Variants in SLIT2 observed in about 807,000 individuals in gnomAD.
SLIT2 encodes slit guidance ligand 2.
In SLIT2, 41 loss-of-function variants were observed where a neutral mutation model predicts 185.7. The observed-to-expected ratio is 0.22, with a 90% confidence interval of 0.17 to 0.29. SLIT2 has a LOEUF of 0.29. Among genes scored for constraint, SLIT2 ranks in the 10% least tolerant of loss-of-function variants. The pLI, the probability that SLIT2 is intolerant of heterozygous loss-of-function variation, is 1.00. For missense variants in SLIT2, 1,571 were observed against 1,909.0 expected, an observed-to-expected ratio of 0.82 and a Z score of 3.30; for synonymous variants, 693 against 680.2, an observed-to-expected ratio of 1.02 and a Z score of -0.29.
intron 4 of SLIT2, among the ~76,000 whole-genome samples, chr4:20,336,315 A>T (rs1055217095): frequency 6.6e-5 from 10 of 152,308 alleles, no homozygotes; most frequent in Admixed American, 5.2e-4. Context: ...GATTAAGAAA[A>T]TGTGGCACAT....
chr4:20,286,673 G>T (rs1006234461), intron 4 of SLIT2, among the ~76,000 whole-genome samples: 3 of 152,118 alleles, frequency 2.0e-5, no homozygotes, highest in African/African-American at 4.8e-5. Context: ...GTGGTAGCGT[G>T]TGCCTGCAGT....
chr4:20,255,662 G>A (rs1711735240), intron 1 of SLIT2, among the ~76,000 whole-genome samples: 1 of 151,028 alleles, frequency 6.6e-6, no homozygotes, highest in African/African-American at 2.4e-5. Context: ...AAAAGGGAAT[G>A]CACTTGGGTG....
intron 4 of SLIT2, among the ~76,000 whole-genome samples, chr4:20,391,735 G>T (rs1725432625): frequency 6.6e-6 from 1 of 152,064 alleles, no homozygotes; most frequent in Non-Finnish European, 1.5e-5. Context: ...CTTGACTTAT[G>T]TTGTCAGAAG....
chr4:20,279,452 A>T (rs1408162736), intron 4 of SLIT2, among the ~76,000 whole-genome samples: 2 of 152,066 alleles, frequency 1.3e-5, no homozygotes, highest in African/African-American at 4.8e-5. Flanking sequence ...CCTCTACTAA[A>T]GCTTTCTCAA....
Position 20,318,923 on chromosome 4 carries a change from A to G in SLIT2, c.395+50042A>G, listed in dbSNP as rs569901010. 4.6e-5 allele frequency among the ~76,000 whole-genome samples: 7 copies of G among 152,282 alleles called. No homozygotes were observed. The South Asian group carries it at 1.4e-3, about 32-fold the overall frequency. ...GGTTAAGTAATATATATGGTGGACG[A>G]CTAAGTTAAGATGTTCCTTAGAGAC... On this transcript the variant is annotated intron_variant, in intron 4 of 36. Coordinates refer to ENST00000504154, the MANE Select transcript of SLIT2 (RefSeq NM_004787.4).
At position 20,438,942 on chromosome 4, in the gene SLIT2, T is replaced by C. The variant is rs1577660489; in HGVS notation, c.396-28810T>C. Among the ~76,000 whole-genome samples, 3 of 152,210 alleles carry C rather than the reference T, an allele frequency of 2.0e-5. No individual in the cohort carries two copies. The East Asian group carries it at 5.8e-4, about 29-fold the overall frequency. On this transcript the variant is annotated intron_variant, in intron 4 of 36. Transcript: ENST00000504154. ...TTTATATTCACCTTCCCTGTGTTTC[T>C]CTCCATAGTTTCTTATTGTCTGACA...
chr4:20,507,404 A>G (rs1348689094), intron 9 of SLIT2, among the ~76,000 whole-genome samples: 1 of 151,954 alleles, frequency 6.6e-6, no homozygotes, highest in African/African-American at 2.4e-5. Flanking sequence ...GAAAATCTTC[A>G]GTTATATTAA....
At position 20,379,492 on chromosome 4, in the gene SLIT2, A is replaced by G. The variant is rs577752007; in HGVS notation, c.396-88260A>G. 5.7e-4 allele frequency among the ~76,000 whole-genome samples: 87 copies of G among 152,274 alleles called. No individual in the cohort carries two copies. The South Asian group carries it at 0.014, about 25-fold the overall frequency. Reference sequence around the variant, plus strand: ...CTTAATACAACACATAAATATTGATACTGATTTCAATTTCTTTGGTAGCAA... The same window carrying G: ...CTTAATACAACACATAAATATTGATGCTGATTTCAATTTCTTTGGTAGCAA... On this transcript the variant is annotated intron_variant, in intron 4 of 36. Coordinates refer to ENST00000504154, the MANE Select transcript of SLIT2 (RefSeq NM_004787.4).
chr4:20,474,491 G>T (rs1284417828), intron 5 of SLIT2, among the ~76,000 whole-genome samples: 2 of 152,020 alleles, frequency 1.3e-5, no homozygotes, highest in Admixed American at 1.3e-4. Flanking sequence ...GTCATGTAAA[G>T]ATGTAATCTA....
intron 4 of SLIT2, among the ~76,000 whole-genome samples, chr4:20,429,893 C>T (rs1461420268): frequency 6.6e-6 from 1 of 152,202 alleles, no homozygotes; most frequent in East Asian, 1.9e-4. Context: ...GCTTGGATTT[C>T]ATCTGCTGGC....
At chr4:20,307,134 TCCTCCCTCCCTCCCTC>T (rs1194947629) in intron 4 of SLIT2, among the ~76,000 whole-genome samples, 1 of 29,416 alleles carries the variant, frequency 3.4e-5, no homozygotes, top group Admixed American at 4.9e-4. Flanking sequence ...TTCCCTCCCT[TCCTCCCTCCCTCCCTC>T]CCTCCCTCCC....
chr4:20,329,246 T>C (rs2109193615), intron 4 of SLIT2, among the ~76,000 whole-genome samples: 1 of 152,074 alleles, frequency 6.6e-6, no homozygotes, highest in East Asian at 1.9e-4. Context: ...GGACTATTTC[T>C]CCAGGAAATT....
chr4:20,367,415 A>G (rs1162178681), intron 4 of SLIT2, among the ~76,000 whole-genome samples: 2 of 152,190 alleles, frequency 1.3e-5, no homozygotes, highest in South Asian at 2.1e-4. Flanking sequence ...TAAAACTAAT[A>G]GTGTGTTTTC....
At chr4:20,276,180 A>G (rs1485397328) in intron 4 of SLIT2, among the ~76,000 whole-genome samples, 1 of 152,178 alleles carries the variant, frequency 6.6e-6, no homozygotes, top group Non-Finnish European at 1.5e-5. Flanking sequence ...TTTAAATCTA[A>G]ATAATGTTAC....
At chr4:20,354,902 TGTGTGAGA>T (rs142914818) in intron 4 of SLIT2, among the ~76,000 whole-genome samples, 9,776 of 105,880 alleles carry the variant, frequency 0.092, 297 homozygotes, top group African/African-American at 0.099. Context: ...TGTGTGTGTG[TGTGTGAGA>T]GAGAGAGAGA....
intron 4 of SLIT2, among the ~76,000 whole-genome samples, chr4:20,381,946 C>T (rs1239717954): frequency 6.6e-6 from 1 of 150,972 alleles, no homozygotes; most frequent in African/African-American, 2.4e-5. Flanking sequence ...TGCATAAATA[C>T]AAAACTGTAT....
chr4:20,297,342 TTTTGTAACCA>T (rs1298433121), intron 4 of SLIT2, among the ~76,000 whole-genome samples: 2 of 152,180 alleles, frequency 1.3e-5, no homozygotes, highest in African/African-American at 2.4e-5. Context: ...CAAGTCTTCT[TTTTGTAACCA>T]TTTCATATTT....
rs779822880 is a variant in SLIT2, at chr4:20,528,418, T to TAA, written c.1463-531_1463-530insAA. ...AGCTGCTGAGGCTTAAATCAGGATT[T>TAA]TCCTGTCTCTTTCTACAAAATCAAA... On this transcript the variant is annotated intron_variant, in intron 15 of 36. Transcript: ENST00000504154. This position sits in a 1 kb window ranked among gnomAD's most constrained non-coding sequence, Gnocchi z 4.2. The TAA allele has an allele frequency of 5.9e-6, 3 of 510,882 alleles. No homozygotes were observed. Among genetic ancestry groups the TAA allele is most frequent in the African/African-American group, 2.0e-5 (1 of 51,024 alleles). 31.6% of individuals were successfully genotyped at this position (510,882 alleles called of 1,614,324 possible). A position where few individuals can be genotyped will look rare whatever the true frequency, so the allele number is the denominator to read the frequency against.
chr4:20,292,629 A>G (rs894620957), intron 4 of SLIT2, among the ~76,000 whole-genome samples: 2 of 152,210 alleles, frequency 1.3e-5, no homozygotes, highest in Non-Finnish European at 2.9e-5. Context: ...GCAATGATAA[A>G]ATCACAGCTG....
Sources: allele counts gnomAD v4.1 joint callset (sites outside exome capture counted in the v4.1 genomes callset), GRCh38; gene constraint gnomAD v4.1.1; non-coding constraint Gnocchi (gnomAD v3.1); transcripts MANE v1.5; gene names NCBI Gene and HGNC (gene_info 2026-07-23, HGNC 2026-07-21).